PUDP: variants seen among roughly 807,000 people sequenced by gnomAD.
PUDP encodes pseudouridine 5'-phosphatase.
A neutral mutation model predicts 9.4 loss-of-function variants in PUDP; 8 were observed. That is an observed-to-expected ratio of 0.85 (90% CI 0.50 to 1.53). The LOEUF is 1.53. Among genes scored for constraint, PUDP ranks in the 40% most tolerant of loss-of-function variants. PUDP has a pLI of 0.00. For missense variants in PUDP, 188 were observed against 189.7 expected (o/e 0.99, Z 0.05); for synonymous variants, 99 against 80.7 (o/e 1.23, Z -1.22).
intron 1 of PUDP, among the ~76,000 whole-genome samples, chrX:7,108,283 CT>C (rs1186871479): frequency 5.3e-5 from 6 of 112,314 alleles, no homozygotes; most frequent in African/African-American, 1.9e-4. Context: ...GACTTTGCCT[CT>C]GTGCACGCTT....
chrX:7,016,101 C>T (rs1025591407), intron 1 of PUDP, among the ~76,000 whole-genome samples: 2 of 108,002 alleles, frequency 1.9e-5, no homozygotes, highest in Admixed American at 1.0e-4. Flanking sequence ...GAGGCTCTTT[C>T]AGAAGGATTG....
chrX:6,718,679 A>G (rs68144272), intron 1 of PUDP, among the ~76,000 whole-genome samples: 21,151 of 110,799 alleles, frequency 0.19, 3,071 homozygotes, highest in African/African-American at 0.5. Flanking sequence ...GGCTACACTA[A>G]AAGTCCAGAC....
chrX:6,907,353 T>C (rs1271820474), intron 3 of PUDP, among the ~76,000 whole-genome samples: 1 of 111,702 alleles, frequency 9.0e-6, no homozygotes, highest in Non-Finnish European at 1.9e-5. Flanking sequence ...CTTTACAAAT[T>C]ACCGAATCTC....
chrX:7,029,410 G>A (rs767301628), intron 1 of PUDP, among the ~76,000 whole-genome samples: 69 of 112,093 alleles, frequency 6.2e-4, no homozygotes, highest in Middle Eastern at 4.6e-3. Context: ...GAAAGTGGTC[G>A]CTTAAATAAC....
intron 3 of PUDP, among the ~76,000 whole-genome samples, chrX:6,887,423 G>A (rs1041861513): frequency 9.1e-6 from 1 of 109,887 alleles, no homozygotes; most frequent in African/African-American, 3.3e-5. Flanking sequence ...AAAGAGAGCC[G>A]TATTAAGGCA....
At chrX:6,750,828 A>G (rs376206557) in intron 3 of PUDP, among the ~76,000 whole-genome samples, 11 of 112,061 alleles carry the variant, frequency 9.8e-5, no homozygotes, top group African/African-American at 3.2e-4. Flanking sequence ...AAGAATATCC[A>G]GGAAATTTCT....
intron 3 of PUDP, among the ~76,000 whole-genome samples, chrX:6,884,135 G>A (rs1413095444): frequency 2.7e-5 from 3 of 111,998 alleles, no homozygotes; most frequent in African/African-American, 3.2e-5. Context: ...CCACCGTGCC[G>A]GGCCTTAATG....
rs758309721 is a variant in PUDP at position 6,741,288 on chromosome X, A to T, written c.*248-34822T>A. 8.0e-5 allele frequency among the ~76,000 whole-genome samples: 9 copies of T among 111,886 alleles called. No individual in the cohort carries two copies. In the South Asian group the frequency reaches 3.3e-3, roughly 41 times the overall value. On this transcript the variant is annotated intron_variant and NMD_transcript_variant, in intron 3 of 3. Coordinates refer to the PUDP transcript ENST00000655425. ...ACAGTTTTTGAGAATTATCTATGTG[A>T]CTTCAAACGTGTTAGTTTACATTCC...
intron 2 of PUDP, among the ~76,000 whole-genome samples, chrX:7,079,896 T>G (rs1189244872): frequency 9.0e-6 from 1 of 111,441 alleles, no homozygotes; most frequent in Non-Finnish European, 1.9e-5. Flanking sequence ...AAGAAAGAAG[T>G]TCAATGATTT....
chrX:7,107,156 A>C (rs749873704), intron 1 of PUDP, among the ~76,000 whole-genome samples: 3 of 112,382 alleles, frequency 2.7e-5, no homozygotes, highest in Non-Finnish European at 5.6e-5. Context: ...TAGATTTAGC[A>C]CTGAAACCTT....
intron 1 of PUDP, among the ~76,000 whole-genome samples, chrX:7,146,187 G>T (rs775056216): frequency 5.4e-5 from 6 of 111,794 alleles, no homozygotes; most frequent in Non-Finnish European, 1.1e-4. Flanking sequence ...CTAATTCTTG[G>T]TTATCTGACT....
Position 7,057,960 on chromosome X carries a change from T to C in PUDP, c.511-7488A>G, listed in dbSNP as rs1471602506. The C allele has an allele frequency of 6.6e-6, 3 of 454,868 alleles. No homozygotes were observed. In the African/African-American group the frequency reaches 7.4e-5, roughly 11 times the overall value. The allele number at this position is 454,868 out of a possible 1,213,427, so 37.5% of individuals were successfully genotyped here. A position where few individuals can be genotyped will look rare whatever the true frequency, so the allele number is the denominator to read the frequency against. On this transcript the variant is annotated intron_variant, in intron 3 of 3. Coordinates refer to ENST00000381077, the MANE Select transcript of PUDP (RefSeq NM_012080.5). ...CTCCCCAGGTCTCACTTCCCGGTGA[T>C]GCTTCCACCTTTGGCTCCTCCCTGC... is the stretch of plus-strand genomic sequence containing the variant.
intron 3 of PUDP, among the ~76,000 whole-genome samples, chrX:6,808,628 A>G (rs1188822219): frequency 1.8e-5 from 2 of 111,856 alleles, no homozygotes; most frequent in Non-Finnish European, 3.8e-5. Flanking sequence ...TAATGACTAC[A>G]GTGGCTCCCA....
intron 1 of PUDP, among the ~76,000 whole-genome samples, chrX:7,109,315 A>G (rs1415854106): frequency 8.9e-6 from 1 of 112,037 alleles, no homozygotes; most frequent in African/African-American, 3.2e-5. Flanking sequence ...CTAGTAGTTG[A>G]GAGAGGAAGA....
chrX:6,969,907 T>C (rs192987730), intron 3 of PUDP, among the ~76,000 whole-genome samples: 1 of 112,438 alleles, frequency 8.9e-6, no homozygotes, highest in African/African-American at 3.2e-5. Flanking sequence ...AGGTCTGCTA[T>C]TATTTCAAGC....
chrX:7,141,866 C>T (rs2146937530), intron 1 of PUDP, among the ~76,000 whole-genome samples: 1 of 112,538 alleles, frequency 8.9e-6, no homozygotes, highest in South Asian at 3.7e-4. Flanking sequence ...TGAATCTTCT[C>T]TTCCTGGGCT....
At chrX:6,821,592 A>C (rs1406205274) in intron 3 of PUDP, among the ~76,000 whole-genome samples, 4 of 112,038 alleles carry the variant, frequency 3.6e-5, no homozygotes, top group African/African-American at 1.3e-4. Context: ...CTAATGATAC[A>C]GGAGCTAGAA....
At chrX:6,826,312 A>G (rs944652936) in intron 3 of PUDP, among the ~76,000 whole-genome samples, 6 of 112,019 alleles carry the variant, frequency 5.4e-5, no homozygotes, top group African/African-American at 1.9e-4. Context: ...TAAAATAGCA[A>G]GTGCCACATT....
chrX:7,135,279 C>G lies in PUDP; in HGVS notation c.61+12774G>C, dbSNP rs112802459. Reference sequence around the variant, plus strand: ...AGGAGCATTTTCTGTCATGTCTCATCAGCATATGATGTGACACACAGGTAC... The same window carrying G: ...AGGAGCATTTTCTGTCATGTCTCATGAGCATATGATGTGACACACAGGTAC... On this transcript the variant is annotated intron_variant, in intron 1 of 3. Transcript: ENST00000381077. 4.0e-3 allele frequency among the ~76,000 whole-genome samples: 453 copies of G among 112,294 alleles called. 2 individuals are homozygous for G. Among genetic ancestry groups the G allele is most frequent in the African/African-American group, 0.014 (437 of 30,969 alleles).
Sources: gnomAD v4.1 joint callset for allele counts (sites outside exome capture counted in the v4.1 genomes callset) on GRCh38, gnomAD v4.1.1 for gene constraint, MANE v1.5 for transcripts, NCBI Gene and HGNC (gene_info 2026-07-23, HGNC 2026-07-21) for gene names.